Variants in BCOR observed in about 807,000 individuals in gnomAD.
BCOR encodes the protein BCL6 corepressor, also known as BCL-6 corepressor.
Under a neutral mutation model 86.7 loss-of-function variants are expected in BCOR, and 10 were observed. The ratio of observed to expected loss-of-function variants is 0.12; its 90% CI spans 0.07 to 0.20. The LOEUF is 0.20. Ranked by LOEUF, BCOR falls within the 10% of genes least tolerant of loss-of-function variation. The pLI is 1.00. For missense variants in BCOR, 1,259 were observed against 1,452.1 expected (o/e 0.87, Z 2.16); for synonymous variants, 611 against 609.0 (o/e 1.00, Z -0.05).
At chrX:40,067,525 T>C (rs1436079397) in intron 6 of BCOR, among the ~76,000 whole-genome samples, 2 of 112,342 alleles carry the variant, frequency 1.8e-5, no homozygotes, top group Admixed American at 9.4e-5. Flanking sequence ...AGAACTATTA[T>C]CGGGAGCCCT....
chrX:40,068,328 C>A (rs746475463), intron 6 of BCOR, among the ~76,000 whole-genome samples: 15 of 112,120 alleles, frequency 1.3e-4, no homozygotes, highest in Non-Finnish European at 2.4e-4. Flanking sequence ...CTAGCAGAGG[C>A]CAACCATGTT....
In BCOR at chrX:40,062,830, G is replaced by A. The variant is rs2147031027; in HGVS notation, c.4089C>T (p.Cys1363=). The A allele has an allele frequency of 2.5e-6, 3 of 1,211,757 alleles. No homozygotes were observed. Among genetic ancestry groups the A allele is most frequent in the Non-Finnish European group, 2.2e-6 (2 of 895,389 alleles). Residue 1363 remains cysteine (C), a synonymous_variant, in exon 9 of 15, where the codon TGC becomes TGT. Coordinates refer to ENST00000378444, the MANE Select transcript of BCOR (RefSeq NM_001123385.2). ...NSEKPSGKRL[C]KTKHLIPQES... Reference sequence around the variant, plus strand: ...CCTGAGGGATCAAGTGTTTGGTTTTGCACAGTCTCTTCCCGGATGGCTTCT... The same window carrying A: ...CCTGAGGGATCAAGTGTTTGGTTTTACACAGTCTCTTCCCGGATGGCTTCT...
intron 1 of BCOR, among the ~76,000 whole-genome samples, chrX:40,175,747 G>A (rs1309218481): frequency 3.5e-5 from 4 of 113,078 alleles, no homozygotes. Flanking sequence ...AGCGGTCGCA[G>A]GGAAGAGGAA....
chrX:40,172,555 G>GT (rs1450855183), intron 1 of BCOR, among the ~76,000 whole-genome samples: 1 of 113,229 alleles, frequency 8.8e-6, no homozygotes, highest in Non-Finnish European at 1.9e-5. Flanking sequence ...AGCCGTGTGT[G>GT]TTTATGTGTC....
chrX:40,122,353 C>G (rs1937498940), intron 1 of BCOR, among the ~76,000 whole-genome samples: 1 of 110,921 alleles, frequency 9.0e-6, no homozygotes, highest in Non-Finnish European at 1.9e-5. Flanking sequence ...TGTCAGGCTG[C>G]CAGCTGCCAG....
At chrX:40,109,350 G>A (rs1388489781) in intron 1 of BCOR, among the ~76,000 whole-genome samples, 2 of 111,351 alleles carry the variant, frequency 1.8e-5, no homozygotes, top group East Asian at 2.9e-4. Flanking sequence ...TCAGGTCAAG[G>A]GCAGGACAGA....
chrX:40,104,002 A>G (rs920514567), intron 1 of BCOR, among the ~76,000 whole-genome samples: 3 of 111,939 alleles, frequency 2.7e-5, no homozygotes, highest in Non-Finnish European at 5.6e-5. Context: ...CCCTCCACTG[A>G]CAACCCACCC....
At chrX:40,168,710 G>A in intron 1 of BCOR, among the ~76,000 whole-genome samples, 1 of 113,142 alleles carries the variant, frequency 8.8e-6, no homozygotes, top group Admixed American at 9.2e-5. Flanking sequence ...CCGCACCCCC[G>A]GCTGCCTTCC....
In BCOR at chrX:40,072,713, A is replaced by G. The variant is rs759983308; in HGVS notation, c.2633T>C (p.Val878Ala). The change falls in exon 4 of 15, where the codon GTA becomes GCA. Residue 878 changes from valine to alanine, a missense_variant. Transcript: ENST00000378444. The part of the protein sequence containing the change: ...TYTFKQPVFT[V>A]SKDSVLAGTN... The stretch of plus-strand genomic sequence containing the variant: ...ACCTGCCAGAACACTGTCCTTGCTT[A>G]CGGTGAAGACTGGCTGTTTGAAAGT... 4.7e-5 allele frequency: 57 copies of G among 1,210,391 alleles called. No individual in the cohort carries two copies. In the East Asian group the frequency reaches 1.6e-3, roughly 35 times the overall value.
At chrX:40,082,187 G>A (rs1481850546) in intron 1 of BCOR, among the ~76,000 whole-genome samples, 2 of 111,674 alleles carry the variant, frequency 1.8e-5, no homozygotes, top group Admixed American at 9.4e-5. Flanking sequence ...GAAAAGATGT[G>A]AGGGCAGACC....
intron 1 of BCOR, among the ~76,000 whole-genome samples, chrX:40,165,312 C>T (rs1412010763): frequency 1.8e-5 from 2 of 111,793 alleles, no homozygotes; most frequent in Non-Finnish European, 3.8e-5. Context: ...AGGATGAACC[C>T]GCCAAAAATA....
chrX:40,075,324 T>TG (rs1935752437), intron 3 of BCOR, 144 bp from the exon 4 acceptor site: 1 of 92,453 alleles, frequency 1.1e-5, no homozygotes. Context: ...GGGGCGGGGG[T>TG]GGGGGGTCTG....
chrX:40,054,679 T>C (rs768852734), intron 12 of BCOR, among the ~76,000 whole-genome samples: 9 of 111,897 alleles, frequency 8.0e-5, no homozygotes, highest in Admixed American at 3.8e-4. Flanking sequence ...ATTTTTGTAT[T>C]TTTAGTAGAC....
intron 1 of BCOR, among the ~76,000 whole-genome samples, chrX:40,156,705 C>T (rs1217673065): frequency 8.9e-6 from 1 of 111,930 alleles, no homozygotes; most frequent in Non-Finnish European, 1.9e-5. Flanking sequence ...GTTCACCTTT[C>T]CCCCTGCAAC....
chrX:40,114,849 C>CTTTTTTT (rs763376608), intron 1 of BCOR, among the ~76,000 whole-genome samples: 5 of 85,075 alleles, frequency 5.9e-5, no homozygotes, highest in African/African-American at 8.5e-5. Flanking sequence ...TTACCATTCA[C>CTTTTTTT]TTTTTTTTTT....
At chrX:40,106,840 TG>T (rs1203750021) in intron 1 of BCOR, among the ~76,000 whole-genome samples, 80 of 110,804 alleles carry the variant, frequency 7.2e-4, no homozygotes, top group African/African-American at 2.5e-3. Flanking sequence ...CTTCTCTCGC[TG>T]GGTTCTCCGC....
intron 10 of BCOR, 65 bp downstream of exon 10, chrX:40,062,074 C>T (rs2146992956): frequency 3.5e-6 from 4 of 1,151,474 alleles, no homozygotes; most frequent in Non-Finnish European, 4.6e-6. Flanking sequence ...CCTCCCCTCG[C>T]CCACCACAGT....
chrX:40,088,882 G>T (rs1602192105), intron 1 of BCOR, among the ~76,000 whole-genome samples: 1 of 112,019 alleles, frequency 8.9e-6, no homozygotes, highest in African/African-American at 3.3e-5. Context: ...AAGCCTTGCC[G>T]AAGGGTACCT....
upstream of BCOR, among the ~76,000 whole-genome samples, chrX:40,098,476 C>A (rs943055091): frequency 4.5e-5 from 5 of 111,619 alleles, no homozygotes; most frequent in African/African-American, 1.6e-4. Context: ...GGGATGGGGG[C>A]GGCGGGGGCG....
Sources: gnomAD v4.1 joint callset for allele counts (sites outside exome capture counted in the v4.1 genomes callset) on GRCh38, gnomAD v4.1.1 for gene constraint, MANE v1.5 for transcripts, NCBI Gene and HGNC (gene_info 2026-07-23, HGNC 2026-07-21) for gene names.